Variants in ZNF718 observed in about 807,000 individuals in gnomAD.
ZNF718 encodes the protein zinc finger protein 718.
A neutral mutation model predicts 2.6 loss-of-function variants in ZNF718; 3 were observed. That is an observed-to-expected ratio of 1.16 (90% CI 0.53 to 3.01). ZNF718 has a LOEUF of 3.01. Among genes scored for constraint, ZNF718 ranks in the 30% most tolerant of loss-of-function variants. The pLI, the probability that ZNF718 is intolerant of heterozygous loss-of-function variation, is 0.03. For missense variants in ZNF718, 468 were observed against 230.0 expected (o/e 2.03, Z -6.69); for synonymous variants, 135 against 77.9 (o/e 1.73, Z -3.86).
At chr4:166,743 G>A (rs1254263340), downstream of ZNF718, among the ~76,000 whole-genome samples, 1 of 151,904 alleles carries the variant, frequency 6.6e-6, no homozygotes, top group Non-Finnish European at 1.5e-5. Flanking sequence ...TGTAGATTCT[G>A]GATATTAGTC....
At chr4:168,130 C>T (rs1717134262), downstream of ZNF718, among the ~76,000 whole-genome samples, 1 of 152,118 alleles carries the variant, frequency 6.6e-6, no homozygotes, top group Non-Finnish European at 1.5e-5. Flanking sequence ...GTCATTGGTT[C>T]TGTTTAGATG....
At chr4:141,997 G>A (rs1715832678) in intron 3 of ZNF718, 1 of 519,302 alleles carries the variant, frequency 1.9e-6, no homozygotes. Context: ...AGGTAAAAAA[G>A]CTTTTTATGG....
rs782097121 is a variant in ZNF718 at position 124,692 on chromosome 4, G to C, written c.3+19G>C. The C allele has an allele frequency of 1.2e-6, 2 of 1,609,112 alleles. No homozygotes were observed. The highest frequency in any genetic ancestry group is 1.7e-6 in the Non-Finnish European group (2 of 1,179,570). On this transcript the variant is annotated intron_variant, in intron 1 of 3. Transcript: ENST00000510175. ...GGAAATGGTGAGTGTGCAGGGCAGG[G>C]CGTCCCAAGGCTGTGGAGGCCTCAT...
intron 3 of ZNF718, among the ~76,000 whole-genome samples, chr4:185,337 C>G (rs1405719558): frequency 6.6e-6 from 1 of 152,110 alleles, no homozygotes; most frequent in Non-Finnish European, 1.5e-5. Flanking sequence ...TCCTTGAGTT[C>G]TACTTTGCTT....
At chr4:142,170 G>A in intron 3 of ZNF718, 1 of 375,250 alleles carries the variant, frequency 2.7e-6, no homozygotes, top group South Asian at 2.1e-5. Context: ...TAACCAGGGA[G>A]ATTTCTCCCA....
intron 3 of ZNF718, among the ~76,000 whole-genome samples, chr4:144,266 T>TCA: frequency 6.6e-6 from 1 of 152,238 alleles, no homozygotes; most frequent in South Asian, 2.1e-4. Flanking sequence ...AATTCTTTGT[T>TCA]CAAGATGCCA....
chr4:124,645 C>G lies in ZNF718; in HGVS notation c.-26C>G, dbSNP rs781893045. The G allele has an allele frequency of 1.2e-6, 2 of 1,607,612 alleles. No individual in the cohort carries two copies. The highest frequency in any genetic ancestry group is 1.1e-5 in the South Asian group (1 of 91,072). ...GGTATTGGATGATTCGTATCTAAGA[C>G]TCTGGGACACTCCTGAAGTCGGGAA... is the stretch of plus-strand genomic sequence containing the variant. On this transcript the variant is annotated 5_prime_UTR_variant, in exon 1 of 4. Transcript: ENST00000510175.
intron 3 of ZNF718, among the ~76,000 whole-genome samples, chr4:158,150 G>A (rs1371480026): frequency 6.6e-6 from 1 of 151,940 alleles, no homozygotes; most frequent in East Asian, 1.9e-4. Flanking sequence ...TTATGAAATA[G>A]GACAGTTTTT....
rs535323997 is a variant in ZNF718 at position 147,399 on chromosome 4, G to T, written c.227-13513G>T. Among the ~76,000 whole-genome samples, 642 of 152,230 alleles carry T rather than the reference G, an allele frequency of 4.2e-3. 6 individuals are homozygous for T. The highest frequency in any genetic ancestry group is 0.035 in the South Asian group (169 of 4,822). ...TTTGGGGAGGTAAATATCTTCTTCTGTTGGATCTCTGGACTGATGCGATTT... is the reference window on the plus strand; with the variant it reads ...TTTGGGGAGGTAAATATCTTCTTCTTTTGGATCTCTGGACTGATGCGATTT... On this transcript the variant is annotated intron_variant, in intron 3 of 3. Transcript: ENST00000510175.
chr4:175,232 C>G (rs781984434), intron 3 of ZNF718, among the ~76,000 whole-genome samples: 2 of 152,216 alleles, frequency 1.3e-5, no homozygotes, highest in Non-Finnish European at 2.9e-5. Context: ...GATCAGCAGT[C>G]CTCATTAAAA....
chr4:178,961 T>C (rs1364471124), intron 3 of ZNF718, among the ~76,000 whole-genome samples: 2 of 152,188 alleles, frequency 1.3e-5, no homozygotes, highest in African/African-American at 4.8e-5. Flanking sequence ...TCAAAAAATT[T>C]GTGAAAATTA....
At chr4:174,765 C>G (rs1401143821) in intron 3 of ZNF718, among the ~76,000 whole-genome samples, 1 of 152,150 alleles carries the variant, frequency 6.6e-6, no homozygotes, top group Non-Finnish European at 1.5e-5. Flanking sequence ...AGGCCCTTCT[C>G]AAATAAATTA....
chr4:144,317 C>G (rs896383182), intron 3 of ZNF718, among the ~76,000 whole-genome samples: 18 of 152,232 alleles, frequency 1.2e-4, no homozygotes, highest in Non-Finnish European at 2.9e-5. Context: ...ATATTCCTGA[C>G]AGCTTTGTCA....
At chr4:166,742 TG>T (rs531674924), downstream of ZNF718, among the ~76,000 whole-genome samples, 31 of 152,346 alleles carry the variant, frequency 2.0e-4, no homozygotes, top group Admixed American at 1.8e-3. Flanking sequence ...TTGTAGATTC[TG>T]GATATTAGTC....
At chr4:153,820 A>T (rs935942231) in intron 3 of ZNF718, among the ~76,000 whole-genome samples, 88 of 152,360 alleles carry the variant, frequency 5.8e-4, no homozygotes, top group East Asian at 1.2e-3. Context: ...ACAAATCTAT[A>T]TACTGAACAG....
chr4:141,416 T>C (rs1178116317), intron 3 of ZNF718, among the ~76,000 whole-genome samples: 1 of 152,228 alleles, frequency 6.6e-6, no homozygotes. Flanking sequence ...TAAAAAGTAT[T>C]GTAAAAATGC....
chr4:164,341 T>C (rs1717036153), downstream of ZNF718, among the ~76,000 whole-genome samples: 1 of 151,934 alleles, frequency 6.6e-6, no homozygotes, highest in South Asian at 2.1e-4. Context: ...AATAGCAACA[T>C]TGGGACAAAA....
At chr4:135,443 T>C (rs1553809138) in intron 3 of ZNF718, among the ~76,000 whole-genome samples, 1 of 151,744 alleles carries the variant, frequency 6.6e-6, no homozygotes, top group African/African-American at 2.4e-5. Flanking sequence ...TAAGCAGGGA[T>C]AGTGTTTCTA....
intron 1 of ZNF718, among the ~76,000 whole-genome samples, chr4:125,515 G>C (rs782617152): frequency 3.3e-5 from 5 of 152,304 alleles, no homozygotes; most frequent in African/African-American, 9.6e-5. Context: ...GCATTGACTG[G>C]TGTTGAGGAA....
Sources: allele counts gnomAD v4.1 joint callset (sites outside exome capture counted in the v4.1 genomes callset), GRCh38; gene constraint gnomAD v4.1.1; transcripts MANE v1.5; gene names NCBI Gene and HGNC (gene_info 2026-07-23, HGNC 2026-07-21).